Variants in KIF1A observed in about 807,000 individuals in gnomAD.
The protein encoded by KIF1A is kinesin-like protein KIF1A.
KIF1A carries 46 observed loss-of-function variants against 227.3 expected under a neutral mutation model. The ratio of observed to expected loss-of-function variants is 0.20; its 90% CI spans 0.16 to 0.26. The LOEUF (loss-of-function observed/expected upper bound fraction) is 0.26. Ranked by LOEUF, KIF1A falls within the 10% of genes least tolerant of loss-of-function variation. KIF1A has a pLI of 1.00. For missense variants in KIF1A, 1,683 were observed against 2,485.9 expected, an observed-to-expected ratio of 0.68 and a Z score of 6.87; for synonymous variants, 1,022 against 1,012.8, an observed-to-expected ratio of 1.01 and a Z score of -0.17.
In KIF1A at chr2:240,775,763, G is replaced by A. The variant is rs1559517727; in HGVS notation, c.958+88C>T. Reference sequence around the variant, plus strand: ...CCCAGAAAGGGTGAGAGGCCTGCTGGCGACTGGGCACCCCCTCAGTGGGGA... The same window carrying A: ...CCCAGAAAGGGTGAGAGGCCTGCTGACGACTGGGCACCCCCTCAGTGGGGA... On this transcript the variant is annotated intron_variant, in intron 11 of 48. Transcript: ENST00000498729. This position sits in a 1 kb window ranked among gnomAD's most constrained non-coding sequence, Gnocchi z 5.5. 1.1e-6 allele frequency: 1 copy of A among 881,336 alleles called. No individual in the cohort carries two copies. The highest frequency in any genetic ancestry group is 1.9e-6 in the Non-Finnish European group (1 of 521,992). 54.6% of individuals were successfully genotyped at this position (881,336 alleles called of 1,614,324 possible). A position where few individuals can be genotyped will look rare whatever the true frequency, so the allele number is the denominator to read the frequency against.
chr2:240,789,421 C>T lies in KIF1A; in HGVS notation c.107-109G>A, dbSNP rs1419450660. ...GTCTTAAGAGGCCTCGGGCCCCAGA[C>T]AAGCCAGGCCCCCAAATTGGAGGGG... On this transcript the variant is annotated intron_variant, in intron 2 of 48. Transcript: ENST00000498729. This position sits in a 1 kb window ranked among gnomAD's most constrained non-coding sequence, Gnocchi z 4.8. 4.6e-6 allele frequency: 4 copies of T among 871,844 alleles called. No individual in the cohort carries two copies. Among genetic ancestry groups the T allele is most frequent in the Non-Finnish European group, 5.6e-6 (3 of 532,096 alleles). The allele number at this position is 871,844 out of a possible 1,614,324, so 54.0% of individuals were successfully genotyped here. A position where few individuals can be genotyped will look rare whatever the true frequency, so the allele number is the denominator to read the frequency against.
In KIF1A at chr2:240,775,360, A is replaced by T. The variant is rs1329154855; in HGVS notation, c.958+491T>A. On this transcript the variant is annotated intron_variant, in intron 11 of 48. Transcript: ENST00000498729. The surrounding 1 kb of genome is among the most constrained non-coding windows in gnomAD (Gnocchi z 5.5). Reference sequence around the variant, plus strand: ...TGCAGTTGGGGAGGACTCTGAGGTTATTCCGGGATGGACGGGATCAGCGTC... The same window carrying T: ...TGCAGTTGGGGAGGACTCTGAGGTTTTTCCGGGATGGACGGGATCAGCGTC... Among the ~76,000 whole-genome samples the T allele has an allele frequency of 2.0e-5, 3 of 152,210 alleles. No individual in the cohort carries two copies. Among genetic ancestry groups the T allele is most frequent in the Non-Finnish European group, 4.4e-5 (3 of 68,028 alleles).
chr2:240,814,565 A>G (rs1368533988), intron 1 of KIF1A, among the ~76,000 whole-genome samples: 2 of 152,206 alleles, frequency 1.3e-5, no homozygotes, highest in Admixed American at 1.3e-4. Context: ...ACTCCAATCC[A>G]GGGGACATGG....
chr2:240,774,810 T>A (rs2052535949), intron 11 of KIF1A, among the ~76,000 whole-genome samples: 2 of 152,116 alleles, frequency 1.3e-5, no homozygotes, highest in African/African-American at 4.8e-5. Context: ...CACCACTGAC[T>A]CCACGCCAGC....
chr2:240,748,676 A>G, intron 28 of KIF1A: 1 of 325,020 alleles, frequency 3.1e-6, no homozygotes, highest in South Asian at 2.6e-5. Flanking sequence ...TTCCAGCAGC[A>G]GGGCTGGGGC....
At chr2:240,773,553 CCCCAGTGGT>C (rs2052305231) in intron 12 of KIF1A, among the ~76,000 whole-genome samples, 1 of 152,154 alleles carries the variant, frequency 6.6e-6, no homozygotes. Context: ...GTGTCCTCTC[CCCCAGTGGT>C]CCCAGGGTAG....
At chr2:240,769,084 T>C in intron 17 of KIF1A, 49 bp downstream of exon 17, 2 of 1,505,972 alleles carry the variant, frequency 1.3e-6, no homozygotes, top group Non-Finnish European at 1.8e-6. Flanking sequence ...GCACCTCACC[T>C]GGTCCTGTTC....
intron 4 of KIF1A, 88 bp downstream of exon 4, chr2:240,787,963 T>A (rs2055158087): frequency 7.7e-7 from 1 of 1,290,506 alleles, no homozygotes; most frequent in Non-Finnish European, 1.1e-6. Flanking sequence ...TGGGGGCTGC[T>A]CTCAGGGGTG....
rs561441564 is a variant in KIF1A, at chr2:240,751,754, G to T, written c.2859-1207C>A. On this transcript the variant is annotated intron_variant, in intron 27 of 48. Transcript: ENST00000498729. ...GTCCATGCCCCATGTGGCCCTGGGG[G>T]TCCAGGCCCTGCCTCCCCAGCACAG... Among the ~76,000 whole-genome samples, 5 of 152,218 alleles carry T rather than the reference G, an allele frequency of 3.3e-5. No individual in the cohort carries two copies. In the East Asian group the frequency reaches 9.7e-4, roughly 29 times the overall value.
intron 37 of KIF1A, among the ~76,000 whole-genome samples, chr2:240,738,366 C>T (rs1382175875): frequency 2.6e-5 from 4 of 152,184 alleles, no homozygotes; most frequent in Non-Finnish European, 5.9e-5. Context: ...CATGGACACC[C>T]GGGGTCTCTC....
chr2:240,812,963 A>ACCTTGGAGATCTG lies in KIF1A; in HGVS notation c.-61+7158_-61+7159insCAGATCTCCAAGG, dbSNP rs1575678030. 1.2e-4 allele frequency among the ~76,000 whole-genome samples: 7 copies of ACCTTGGAGATCTG among 60,020 alleles called. No individual in the cohort carries two copies. The East Asian group carries it at 2.8e-3, about 24-fold the overall frequency. 39.4% of individuals were successfully genotyped at this position (60,020 alleles called of 152,430 possible). ...GGATCCGCCTTCACCTCAAGGATCC[A>ACCTTGGAGATCTG]CCTTCACCTCGGGGATCCGCCTTCA... On this transcript the variant is annotated intron_variant, in intron 1 of 48. Transcript: ENST00000498729.
At chr2:240,738,205 C>G (rs2047572324) in intron 37 of KIF1A, among the ~76,000 whole-genome samples, 1 of 152,234 alleles carries the variant, frequency 6.6e-6, no homozygotes, top group Non-Finnish European at 1.5e-5. Context: ...TTAGCCTGCT[C>G]TGCGTCTGAC....
intron 11 of KIF1A, 134 bp from the exon 12 acceptor site, chr2:240,774,395 C>A (rs1438005829): frequency 1.9e-5 from 8 of 415,748 alleles, no homozygotes; most frequent in African/African-American, 1.0e-4. Context: ...AGGCTTACCC[C>A]CCCCCCCACC....
intron 28 of KIF1A, among the ~76,000 whole-genome samples, chr2:240,747,598 T>G (rs1227015073): frequency 6.6e-6 from 1 of 152,162 alleles, no homozygotes; most frequent in Non-Finnish European, 1.5e-5. Flanking sequence ...AAACCAAATC[T>G]TGCCCGCATT....
chr2:240,816,592 C>A (rs1208847795), intron 1 of KIF1A, among the ~76,000 whole-genome samples: 1 of 152,142 alleles, frequency 6.6e-6, no homozygotes, highest in African/African-American at 2.4e-5. Context: ...TCATCTGAAT[C>A]CCCAGGCTCT....
At chr2:240,735,204 C>T (rs2047185456) in intron 38 of KIF1A, among the ~76,000 whole-genome samples, 1 of 152,186 alleles carries the variant, frequency 6.6e-6, no homozygotes, top group Non-Finnish European at 1.5e-5. Context: ...GGGGAGGCCG[C>T]GCCCACGCAA....
At position 240,758,760 on chromosome 2, in the gene KIF1A, C is replaced by T. The variant is rs763985530; in HGVS notation, c.2445-263G>A. 5.3e-5 allele frequency among the ~76,000 whole-genome samples: 8 copies of T among 152,082 alleles called. No individual in the cohort carries two copies. Among genetic ancestry groups the T allele is most frequent in the Non-Finnish European group, 8.8e-5 (6 of 68,004 alleles). On this transcript the variant is annotated intron_variant, in intron 25 of 48. Coordinates refer to ENST00000498729, the MANE Select transcript of KIF1A (RefSeq NM_001244008.2). The surrounding 1 kb of genome is among the most constrained non-coding windows in gnomAD (Gnocchi z 5.2). ...TCCCTCCAGGGGGTGGGCTGGGGAA[C>T]AAGCAGTGAGGGGCTAGAGGGGCTG...
At chr2:240,797,478 C>T (rs1257588272) in intron 2 of KIF1A, among the ~76,000 whole-genome samples, 169 bp downstream of exon 2, 1 of 152,206 alleles carries the variant, frequency 6.6e-6, no homozygotes, top group African/African-American at 2.4e-5. Context: ...AGCCCACCAC[C>T]GTTGGTGGCA....
rs1331048988 is a variant in KIF1A at position 240,719,103 on chromosome 2, T to C, written c.5117A>G (p.Tyr1706Cys). The change falls in exon 47 of 49, where the codon TAC becomes TGC. Residue 1706 changes from tyrosine (Y) to cysteine (C), a missense_variant. Tyr to Cys is a radical substitution (Grantham distance 194). Around this residue, in one of 12 missense-constraint regions of KIF1A, gnomAD observed 384 missense variants for 410.1 expected, o/e 0.94. Transcript: ENST00000498729. ...RFVVVRRPYA[Y>C]MYNSDKDTVE... ...GGTGTCCTTGTCGCTGTTGTACATG[T>C]AGGCATAGGGGCGCCGCACCACCAC... 1 of 1,612,496 alleles carries C rather than the reference T, an allele frequency of 6.2e-7. No individual in the cohort carries two copies. Among genetic ancestry groups the C allele is most frequent in the Non-Finnish European group, 8.5e-7 (1 of 1,179,762 alleles).
Sources: gnomAD v4.1 joint callset for allele counts (sites outside exome capture counted in the v4.1 genomes callset) on GRCh38, gnomAD v4.1.1 for gene constraint, gnomAD v4.1.1 regional missense constraint, Gnocchi (gnomAD v3.1) non-coding constraint, MANE v1.5 for transcripts, NCBI Gene and HGNC (gene_info 2026-07-23, HGNC 2026-07-21) for gene names.